DMD: variants seen among roughly 807,000 people sequenced by gnomAD.
DMD encodes dystrophin.
DMD carries 63 observed loss-of-function variants against 330.1 expected under a neutral mutation model. The ratio of observed to expected loss-of-function variants is 0.19; its 90% CI spans 0.16 to 0.24. The LOEUF is 0.24. DMD is among the 10% of genes least tolerant of loss of function. The probability of loss-of-function intolerance (pLI) is 1.00; values close to 1 mark genes in which losing one functional copy is unlikely to be tolerated. For missense variants in DMD, 3,344 were observed against 2,684.1 expected, an observed-to-expected ratio of 1.25 and a Z score of -5.43; for synonymous variants, 1,223 against 959.8, an observed-to-expected ratio of 1.27 and a Z score of -5.07.
At chrX:32,777,276 T>TGGGGGGGGGGGGGGGGGGGGGGGGGGG (rs1373161447) in intron 7 of DMD, among the ~76,000 whole-genome samples, 2 of 506 alleles carry the variant, frequency 4.0e-3, no homozygotes, top group Non-Finnish European at 5.2e-3. Flanking sequence ...TGGTTTCTGG[T>TGGGGGGGGGGGGGGGGGGGGGGGGGGG]TGGGGGGGGA....
chrX:31,588,872 GT>G (rs58845554), intron 55 of DMD, among the ~76,000 whole-genome samples: 12,017 of 77,311 alleles, frequency 0.16, 692 homozygotes, highest in Middle Eastern at 0.32. Flanking sequence ...CAAAGTCTAT[GT>G]TTTTTTTTTT....
chrX:33,088,480 C>T (rs1384444474), intron 1 of DMD, among the ~76,000 whole-genome samples: 2 of 111,842 alleles, frequency 1.8e-5, no homozygotes, highest in East Asian at 5.6e-4. Context: ...GAATTCAACA[C>T]TGGGGGAGGA....
At chrX:31,561,149 T>A (rs1196604111) in intron 55 of DMD, among the ~76,000 whole-genome samples, 1 of 111,763 alleles carries the variant, frequency 8.9e-6, no homozygotes, top group African/African-American at 3.3e-5. Context: ...ACAAAACTTT[T>A]GAAAAAAGGG....
At chrX:32,635,074 C>T (rs757906032) in intron 11 of DMD, among the ~76,000 whole-genome samples, 67 of 111,794 alleles carry the variant, frequency 6.0e-4, no homozygotes, top group African/African-American at 2.0e-3. Flanking sequence ...GCTCCCTCTG[C>T]GGGATTTGGC....
intron 45 of DMD, among the ~76,000 whole-genome samples, chrX:31,944,047 T>C (rs1228726305): frequency 8.9e-6 from 1 of 112,146 alleles, no homozygotes; most frequent in Non-Finnish European, 1.9e-5. Flanking sequence ...CAGAGGTTAC[T>C]ATTCTTTAAA....
intron 3 of DMD, among the ~76,000 whole-genome samples, chrX:32,848,438 G>A (rs1449283497): frequency 9.0e-6 from 1 of 111,283 alleles, no homozygotes; most frequent in Non-Finnish European, 1.9e-5. Flanking sequence ...CCTCAAATTG[G>A]CGCCCAGCAA....
At chrX:33,075,993 T>TC (rs1163638464) in intron 1 of DMD, among the ~76,000 whole-genome samples, 2 of 111,634 alleles carry the variant, frequency 1.8e-5, no homozygotes, top group African/African-American at 6.5e-5. Flanking sequence ...ATACTGCTTC[T>TC]CCCCAAATTG....
chrX:32,179,543 T>C (rs1228586461), intron 44 of DMD, among the ~76,000 whole-genome samples: 1 of 112,366 alleles, frequency 8.9e-6, no homozygotes, highest in South Asian at 3.7e-4. Context: ...ACACTGTCCT[T>C]ACAAAGAAAT....
intron 1 of DMD, among the ~76,000 whole-genome samples, chrX:33,137,821 T>C (rs1427300168): frequency 8.9e-6 from 1 of 112,003 alleles, no homozygotes; most frequent in African/African-American, 3.2e-5. Context: ...CAGAAGATGA[T>C]GTCAGATAGG....
chrX:32,470,347 A>C (rs1289897948), intron 22 of DMD, among the ~76,000 whole-genome samples: 2 of 111,633 alleles, frequency 1.8e-5, no homozygotes, highest in African/African-American at 3.2e-5. Flanking sequence ...AATTTTTATA[A>C]CATTATTATT....
chrX:32,880,001 C>T (rs2083755100), intron 2 of DMD, among the ~76,000 whole-genome samples: 1 of 110,572 alleles, frequency 9.0e-6, no homozygotes, highest in South Asian at 3.9e-4. Flanking sequence ...CATATAGCCA[C>T]CAAATGTAAC....
At chrX:33,000,048 T>C (rs1475941687) in intron 2 of DMD, among the ~76,000 whole-genome samples, 1 of 112,425 alleles carries the variant, frequency 8.9e-6, no homozygotes, top group South Asian at 3.6e-4. Flanking sequence ...CAAACAGGGA[T>C]CATGTAACGA....
chrX:32,667,768 T>TTTTG (rs1556900850), intron 9 of DMD, among the ~76,000 whole-genome samples: 2 of 23,145 alleles, frequency 8.6e-5, no homozygotes, highest in African/African-American at 1.3e-4. Context: ...TGCTTTTGTG[T>TTTTG]TTTTTTTTTT....
chrX:31,248,985 G>C (rs750601662), intron 63 of DMD, among the ~76,000 whole-genome samples: 1 of 111,617 alleles, frequency 9.0e-6, no homozygotes, highest in African/African-American at 3.3e-5. Context: ...ACTTCATGCT[G>C]TGTGTGTGGC....
intron 50 of DMD, among the ~76,000 whole-genome samples, chrX:31,818,458 G>A (rs1814432315): frequency 9.0e-6 from 1 of 110,917 alleles, no homozygotes; most frequent in Non-Finnish European, 1.9e-5. Flanking sequence ...CCTGGTTTTG[G>A]AGCCTTCCTA....
intron 43 of DMD, among the ~76,000 whole-genome samples, chrX:32,233,647 A>AT (rs1450844309): frequency 1.0e-5 from 1 of 100,411 alleles, no homozygotes; most frequent in Non-Finnish European, 2.0e-5. Context: ...TTATTTATTT[A>AT]TTGAGACGGA....
At position 31,845,309 on chromosome X, in the gene DMD, T is replaced by C. The variant is rs972560957; in HGVS notation, c.7099-8490A>G. Among the ~76,000 whole-genome samples, 5 of 107,733 alleles carry C rather than the reference T, an allele frequency of 4.6e-5. No homozygotes were observed. In the East Asian group the frequency reaches 8.8e-4, roughly 19 times the overall value. The allele number at this position is 107,733 out of a possible 115,157, so 93.6% of individuals were successfully genotyped here. A position where few individuals can be genotyped will look rare whatever the true frequency, so the allele number is the denominator to read the frequency against. On this transcript the variant is annotated intron_variant, in intron 48 of 78. Coordinates refer to ENST00000357033, the MANE Select transcript of DMD (RefSeq NM_004006.3). ...GTTTTGCTTGTATAAGGATTTGAAG[T>C]AGTACAATGCTCTGTTAACATAAAT... is the stretch of plus-strand genomic sequence containing the variant.
At chrX:32,713,874 C>T (rs1339805684) in intron 7 of DMD, among the ~76,000 whole-genome samples, 1 of 111,742 alleles carries the variant, frequency 8.9e-6, no homozygotes, top group African/African-American at 3.3e-5. Flanking sequence ...GCATTTAATA[C>T]ACTGAACCTG....
chrX:31,825,990 G>A (rs773454814), intron 49 of DMD, among the ~76,000 whole-genome samples: 118 of 111,586 alleles, frequency 1.1e-3, no homozygotes, highest in African/African-American at 3.7e-3. Context: ...GATATTATGC[G>A]CTGCTCAATG....
Sources: allele counts gnomAD v4.1 joint callset (sites outside exome capture counted in the v4.1 genomes callset), GRCh38; gene constraint gnomAD v4.1.1; transcripts MANE v1.5; gene names NCBI Gene and HGNC (gene_info 2026-07-23, HGNC 2026-07-21).